Variants in NHSL1 observed in about 807,000 individuals in gnomAD.
NHSL1 encodes NHS-like protein 1.
In NHSL1, 48 loss-of-function variants were observed where a neutral mutation model predicts 95.0. The observed-to-expected ratio is 0.51, with a 90% CI of 0.40 to 0.64. The LOEUF is 0.64. NHSL1 is among the 30% of genes least tolerant of loss of function. The probability of loss-of-function intolerance (pLI) is 0.00; values close to 1 mark genes in which losing one functional copy is unlikely to be tolerated. For synonymous variants in NHSL1, 783 were observed against 833.9 expected (o/e 0.94, Z 1.05); for missense variants, 1,971 against 2,077.7 (o/e 0.95, Z 1.00).
At chr6:138,588,835 G>A (rs988517626) in intron 1 of NHSL1, among the ~76,000 whole-genome samples, 5 of 152,114 alleles carry the variant, frequency 3.3e-5, no homozygotes, top group Non-Finnish European at 7.4e-5. Flanking sequence ...GACTTTTAAC[G>A]GCTTCTTGTT....
intron 1 of NHSL1, among the ~76,000 whole-genome samples, chr6:138,530,294 GTGGTGAAAAGGGAACACTTTCACACTGC>G (rs1377146646): frequency 6.6e-6 from 1 of 152,162 alleles, no homozygotes; most frequent in Admixed American, 6.5e-5. Context: ...TGGCAGGGAT[GTGGTGAAAAGGGAACACTTTCACACTGC>G]TGGCAGAACT....
chr6:138,675,416 C>T lies in NHSL1; in HGVS notation c.96+17060G>A, dbSNP rs72981175. ...TGACCCAAATCACTCATGTTGTAGA[C>T]GAGGTCAGGGTCACACAGCTTAGGG... is the stretch of plus-strand genomic sequence containing the variant. On this transcript the variant is annotated intron_variant, in intron 1 of 3. Transcript: ENST00000491526. Among the ~76,000 whole-genome samples the T allele has an allele frequency of 7.0e-3, 1,073 of 152,244 alleles. 3 individuals are homozygous for T. The highest frequency in any genetic ancestry group is 0.012 in the Non-Finnish European group (784 of 68,018).
At chr6:138,654,886 G>A (rs184867747) in intron 1 of NHSL1, among the ~76,000 whole-genome samples, 13 of 152,266 alleles carry the variant, frequency 8.5e-5, no homozygotes, top group African/African-American at 2.9e-4. Context: ...AACCACCCAC[G>A]CTCTAAGGGG....
chr6:138,482,175 G>A (rs900396798), intron 2 of NHSL1, among the ~76,000 whole-genome samples: 5 of 152,202 alleles, frequency 3.3e-5, no homozygotes, highest in East Asian at 1.9e-4. Context: ...GAAGCCGGGC[G>A]TGGTGGCTCA....
rs10706041 is a variant in NHSL1, at chr6:138,530,975, ATT to A, written c.16+14646_16+14647del. ...TGACTATTGAAATAAAATTTAAAAT[ATT>A]TTTTTTTTAAAAAAAAGGCCACAGT... On this transcript the variant is annotated intron_variant, in intron 1 of 4. Coordinates refer to the NHSL1 transcript ENST00000342260. Among the ~76,000 whole-genome samples, 560 of 150,432 alleles carry A rather than the reference ATT, an allele frequency of 3.7e-3. 5 individuals are homozygous for A. Among genetic ancestry groups the A allele is most frequent in the African/African-American group, 0.013 (525 of 40,970 alleles).
At chr6:138,453,705 C>T (rs965043840) in intron 3 of NHSL1, among the ~76,000 whole-genome samples, 1 of 151,972 alleles carries the variant, frequency 6.6e-6, no homozygotes, top group African/African-American at 2.4e-5. Context: ...AGCCACCATG[C>T]CCAGCTAATT....
chr6:138,545,751 G>A (rs898965677), upstream of NHSL1: 5 of 1,225,542 alleles, frequency 4.1e-6, no homozygotes, highest in Admixed American at 2.9e-5. Flanking sequence ...AGAGCGGGGC[G>A]GCCAGCCAGC....
intron 3 of NHSL1, among the ~76,000 whole-genome samples, chr6:138,465,724 CT>C (rs61271607): frequency 0.015 from 1,984 of 132,754 alleles, 12 homozygotes; most frequent in Middle Eastern, 0.044. Flanking sequence ...TTTTTCTTTT[CT>C]TTTTTTTTTT....
At chr6:138,543,560 A>G (rs1782666764) in intron 1 of NHSL1, among the ~76,000 whole-genome samples, 1 of 152,208 alleles carries the variant, frequency 6.6e-6, no homozygotes, top group Admixed American at 6.5e-5. Flanking sequence ...CATGATTTAA[A>G]CCAAAGGAAG....
intron 1 of NHSL1, among the ~76,000 whole-genome samples, chr6:138,525,110 G>A (rs2128311637): frequency 6.6e-6 from 1 of 152,236 alleles, no homozygotes; most frequent in East Asian, 1.9e-4. Context: ...GAAGCTTAAT[G>A]TCTCTGGGCG....
At chr6:138,523,652 A>AAAG (rs1781784334) in intron 1 of NHSL1, among the ~76,000 whole-genome samples, 1 of 150,090 alleles carries the variant, frequency 6.7e-6, no homozygotes, top group African/African-American at 2.4e-5. Flanking sequence ...AAAAAAAAAA[A>AAAG]CAGAGCTAAA....
chr6:138,445,953 A>G (rs1776836219), intron 4 of NHSL1, among the ~76,000 whole-genome samples: 1 of 151,536 alleles, frequency 6.6e-6, no homozygotes, highest in African/African-American at 2.4e-5. Context: ...TCACATGTCT[A>G]TTTTGCACTT....
intron 7 of NHSL1, among the ~76,000 whole-genome samples, chr6:138,426,759 T>C (rs1775290483): frequency 6.6e-6 from 1 of 151,944 alleles, no homozygotes; most frequent in South Asian, 2.1e-4. Context: ...CAATACAGGG[T>C]CTGAAGGGTG....
At chr6:138,670,318 G>A (rs1365180268) in intron 1 of NHSL1, among the ~76,000 whole-genome samples, 5 of 150,696 alleles carry the variant, frequency 3.3e-5, no homozygotes, top group African/African-American at 1.2e-4. Flanking sequence ...TCATTCAAAT[G>A]GAAAAGAGAT....
At chr6:138,634,048 A>C (rs1784856765) in intron 1 of NHSL1, among the ~76,000 whole-genome samples, 1 of 152,188 alleles carries the variant, frequency 6.6e-6, no homozygotes, top group South Asian at 2.1e-4. Flanking sequence ...TGGTAAACTC[A>C]AACCAAAAAC....
chr6:138,658,527 T>C (rs1351720039), intron 1 of NHSL1, among the ~76,000 whole-genome samples: 1 of 152,234 alleles, frequency 6.6e-6, no homozygotes, highest in East Asian at 1.9e-4. Flanking sequence ...GAGCTTTCCT[T>C]ATTTTTAAGG....
Position 138,692,075 on chromosome 6 carries a change from C to G in NHSL1, c.96+401G>C, listed in dbSNP as rs1206116136. 2 of 456,338 alleles carry G rather than the reference C, an allele frequency of 4.4e-6. No homozygotes were observed. The highest frequency in any genetic ancestry group is 4.7e-5 in the Admixed American group (2 of 42,550). 28.3% of individuals were successfully genotyped at this position (456,338 alleles called of 1,614,324 possible). A position where few individuals can be genotyped will look rare whatever the true frequency, so the allele number is the denominator to read the frequency against. On this transcript the variant is annotated intron_variant, in intron 1 of 3. Transcript: ENST00000491526. The surrounding 1 kb of genome is among the most constrained non-coding windows in gnomAD (Gnocchi z 4.0). The stretch of plus-strand genomic sequence containing the variant: ...TCTCCAAAACTGTAACTACTATATG[C>G]CCAAATTTATATTCTCCCCTGGCTT...
intron 1 of NHSL1, among the ~76,000 whole-genome samples, chr6:138,689,246 G>A (rs1785627381): frequency 6.6e-6 from 1 of 152,234 alleles, no homozygotes; most frequent in Non-Finnish European, 1.5e-5. Flanking sequence ...AGGTCCTGCT[G>A]TCTGGCAGAG....
chr6:138,675,311 T>G (rs943054514), intron 1 of NHSL1, among the ~76,000 whole-genome samples: 2 of 151,898 alleles, frequency 1.3e-5, no homozygotes, highest in Admixed American at 1.3e-4. Flanking sequence ...ATCTGCTGCT[T>G]CCAAAGCTTC....
Sources: gnomAD v4.1 joint callset for allele counts (sites outside exome capture counted in the v4.1 genomes callset) on GRCh38, gnomAD v4.1.1 for gene constraint, Gnocchi (gnomAD v3.1) non-coding constraint, MANE v1.5 for transcripts, NCBI Gene and HGNC (gene_info 2026-07-23, HGNC 2026-07-21) for gene names.